ABL2: variants seen among roughly 807,000 people sequenced by gnomAD.
ABL2 encodes the protein tyrosine-protein kinase ABL2.
Under a neutral mutation model 107.7 loss-of-function variants are expected in ABL2, and 49 were observed. That is an observed-to-expected ratio of 0.45 (90% CI 0.36 to 0.58). The LOEUF (loss-of-function observed/expected upper bound fraction) is 0.58, where lower values mean the gene tolerates loss of function less well. ABL2 is among the 20% of genes least tolerant of loss of function. The pLI is 0.00. For missense variants in ABL2, 1,245 were observed against 1,457.0 expected (o/e 0.85, Z 2.37); for synonymous variants, 549 against 548.6 (o/e 1.00, Z -0.01).
rs146191539 is a variant in ABL2, at chr1:179,117,192, C to T, written c.1408+140G>A. 3.1e-4 allele frequency: 275 copies of T among 899,386 alleles called. 1 individual carries two copies. The highest frequency in any genetic ancestry group is 2.5e-3 in the Middle Eastern group (11 of 4,364). 55.7% of individuals were successfully genotyped at this position (899,386 alleles called of 1,614,324 possible). A position where few individuals can be genotyped will look rare whatever the true frequency, so the allele number is the denominator to read the frequency against. On this transcript the variant is annotated intron_variant, in intron 8 of 11. Transcript: ENST00000502732. ...GTCCTGGCAGATAGGAGGTATTTAACAAATGCTTGCTGAATAACTGAAGAA... is the reference window on the plus strand; with the variant it reads ...GTCCTGGCAGATAGGAGGTATTTAATAAATGCTTGCTGAATAACTGAAGAA...
chr1:179,102,039 A>T lies in ABL2; in HGVS notation c.*5679T>A, dbSNP rs1653144841. 2.2e-5 allele frequency: 2 copies of T among 91,558 alleles called. No individual in the cohort carries two copies. Among genetic ancestry groups the T allele is most frequent in the African/African-American group, 4.5e-5 (1 of 22,200 alleles). The allele number at this position is 91,558 out of a possible 1,614,324, so 5.7% of individuals were successfully genotyped here. A position where few individuals can be genotyped will look rare whatever the true frequency, so the allele number is the denominator to read the frequency against. ...TTTTTTTTTTTTTTTTTTGAGACGGAGTCTCACTGTCACCCAGGCTGGAGT... is the reference window on the plus strand; with the variant it reads ...TTTTTTTTTTTTTTTTTTGAGACGGTGTCTCACTGTCACCCAGGCTGGAGT... On this transcript the variant is annotated 3_prime_UTR_variant, in exon 12 of 12. Transcript: ENST00000502732.
In ABL2 at chr1:179,174,914, TA is replaced by T. The variant is rs200287014; in HGVS notation, c.158-41541del. Among the ~76,000 whole-genome samples the T allele has an allele frequency of 3.4e-3, 382 of 110,850 alleles. 3 individuals are homozygous for T. Among genetic ancestry groups the T allele is most frequent in the African/African-American group, 0.012 (362 of 31,000 alleles). The allele number at this position is 110,850 out of a possible 152,430, so 72.7% of individuals were successfully genotyped here. On this transcript the variant is annotated intron_variant, in intron 1 of 11. Coordinates refer to ENST00000502732, the MANE Select transcript of ABL2 (RefSeq NM_007314.4). ...CTGTCTCAAAAAAAAAAAAATAAAATAAAAAAAATAATAATAATAATAATAA... is the reference window on the plus strand; with the variant it reads ...CTGTCTCAAAAAAAAAAAAATAAAATAAAAAAATAATAATAATAATAATAA...
In ABL2 at chr1:179,116,997, G is replaced by A. The variant is rs1473883856; in HGVS notation, c.1408+335C>T. On this transcript the variant is annotated intron_variant, in intron 8 of 11. Transcript: ENST00000502732. ...TGGGATTACTGGCGCATGCCACCACGCCTGGCTAATTTTTGTAGTTAGTAG... is the reference window on the plus strand; with the variant it reads ...TGGGATTACTGGCGCATGCCACCACACCTGGCTAATTTTTGTAGTTAGTAG... 3.7e-5 allele frequency: 12 copies of A among 325,718 alleles called. No individual in the cohort carries two copies. The East Asian group carries it at 3.7e-4, about 10-fold the overall frequency. The allele number at this position is 325,718 out of a possible 1,614,324, so 20.2% of individuals were successfully genotyped here. A position where few individuals can be genotyped will look rare whatever the true frequency, so the allele number is the denominator to read the frequency against.
rs944627840 is a variant in ABL2, at chr1:179,221,120, C to T, written c.157+8121G>A. On this transcript the variant is annotated intron_variant, in intron 1 of 11. Coordinates refer to ENST00000502732, the MANE Select transcript of ABL2 (RefSeq NM_007314.4). ...CCTCAGATGTGAAAGCCAGACAGGC[C>T]ATTAGAGTTACTTGGGGTGAAAAAA... 5.7e-5 allele frequency: 14 copies of T among 243,654 alleles called. 1 individual carries two copies. In the South Asian group the frequency reaches 8.6e-4, roughly 15 times the overall value. The allele number at this position is 243,654 out of a possible 1,614,324, so 15.1% of individuals were successfully genotyped here.
intron 1 of ABL2, among the ~76,000 whole-genome samples, chr1:179,228,050 CAAAAAAAAAAAAA>C (rs34070201): frequency 7.9e-5 from 5 of 63,376 alleles, no homozygotes; most frequent in South Asian, 5.9e-4. Flanking sequence ...ACTCCGTCTC[CAAAAAAAAAAAAA>C]AAAAAAAAAG....
At chr1:179,197,839 A>G (rs1661411002) in intron 1 of ABL2, among the ~76,000 whole-genome samples, 1 of 150,440 alleles carries the variant, frequency 6.6e-6, no homozygotes, top group Non-Finnish European at 1.5e-5. Context: ...ACTGCATTCC[A>G]GCCTGGGTGA....
intron 2 of ABL2, 132 bp from the exon 3 acceptor site, chr1:179,131,613 T>C (rs1160069161): frequency 1.7e-5 from 14 of 840,672 alleles, no homozygotes; most frequent in Non-Finnish European, 2.5e-5. Context: ...TAAAGTGTTA[T>C]GAAGAATTAG....
chr1:179,217,680 C>T (rs911672649), intron 1 of ABL2, among the ~76,000 whole-genome samples: 6 of 151,024 alleles, frequency 4.0e-5, no homozygotes, highest in African/African-American at 1.5e-4. Flanking sequence ...AAGATTAAGA[C>T]AGGAGTTCAA....
At chr1:179,202,861 G>A (rs187531791) in intron 1 of ABL2, among the ~76,000 whole-genome samples, 1 of 152,140 alleles carries the variant, frequency 6.6e-6, no homozygotes, top group Non-Finnish European at 1.5e-5. Context: ...TCTAAAAAGA[G>A]GTAAAAACAA....
intron 9 of ABL2, 106 bp downstream of exon 9, chr1:179,114,772 C>T: frequency 8.5e-7 from 1 of 1,176,670 alleles, no homozygotes; most frequent in Non-Finnish European, 1.2e-6. Flanking sequence ...TGTCATGAGG[C>T]TGGATTCAAT....
intron 1 of ABL2, 33 bp downstream of exon 1, chr1:179,229,208 C>CCCCCCCCCCCCCCCAG: frequency 6.7e-7 from 1 of 1,488,058 alleles, no homozygotes; most frequent in Non-Finnish European, 9.0e-7. Context: ...CGGCCTCCCC[C>CCCCCCCCCCCCCCCAG]ACGCTCTCAT....
At chr1:179,135,866 C>T (rs1437148659) in intron 1 of ABL2, among the ~76,000 whole-genome samples, 2 of 147,486 alleles carry the variant, frequency 1.4e-5, no homozygotes, top group African/African-American at 2.5e-5. Flanking sequence ...CCGCCCCGTC[C>T]AGGAGGTGAG....
rs1447353436 is a variant in ABL2 at position 179,107,009 on chromosome 1, C to A, written c.*709G>T. Reference sequence around the variant, plus strand: ...GTCCATTATGAAATAATATACCAGACTGGGAGAAGTGACTTCTGCTAATCT... The same window carrying A: ...GTCCATTATGAAATAATATACCAGAATGGGAGAAGTGACTTCTGCTAATCT... On this transcript the variant is annotated 3_prime_UTR_variant, in exon 12 of 12. Transcript: ENST00000502732. 4.4e-6 allele frequency: 1 copy of A among 229,766 alleles called. No individual in the cohort carries two copies. Among genetic ancestry groups the A allele is most frequent in the Non-Finnish European group, 8.6e-6 (1 of 115,972 alleles). The allele number at this position is 229,766 out of a possible 1,614,324, so 14.2% of individuals were successfully genotyped here.
rs1652934696 is a variant in ABL2 at position 179,099,620 on chromosome 1, T to C, written c.*8098A>G. 4.3e-6 allele frequency: 1 copy of C among 231,264 alleles called. No homozygotes were observed. The highest frequency in any genetic ancestry group is 5.6e-5 in the Admixed American group (1 of 17,724). 14.3% of individuals were successfully genotyped at this position (231,264 alleles called of 1,614,324 possible). A position where few individuals can be genotyped will look rare whatever the true frequency, so the allele number is the denominator to read the frequency against. On this transcript the variant is annotated 3_prime_UTR_variant, in exon 12 of 12. Coordinates refer to ENST00000502732, the MANE Select transcript of ABL2 (RefSeq NM_007314.4). ...TTGTCTCACTATGTCCCCTTAGCAA[T>C]GCACACAGTGCCCGATGCTCCAAAC...
At chr1:179,131,696 GAA>G (rs1656348499) in intron 2 of ABL2, among the ~76,000 whole-genome samples, 1 of 152,154 alleles carries the variant, frequency 6.6e-6, no homozygotes, top group Non-Finnish European at 1.5e-5. Context: ...GGTAGTCAGA[GAA>G]AAGACCACAA....
At chr1:179,128,182 A>AG (rs1655925914) in intron 3 of ABL2, among the ~76,000 whole-genome samples, 1 of 152,174 alleles carries the variant, frequency 6.6e-6, no homozygotes, top group Admixed American at 6.5e-5. Flanking sequence ...ATCTCACCTT[A>AG]GACACATGGA....
intron 1 of ABL2, among the ~76,000 whole-genome samples, chr1:179,185,371 A>G (rs929866042): frequency 6.6e-6 from 1 of 152,178 alleles, no homozygotes; most frequent in African/African-American, 2.4e-5. Flanking sequence ...CTGCCACTCA[A>G]TGGGAGAATC....
intron 1 of ABL2, chr1:179,196,491 T>C (rs1661315525): frequency 6.6e-6 from 1 of 152,202 alleles, no homozygotes; most frequent in South Asian, 2.1e-4. Flanking sequence ...TGATTCCTTC[T>C]CCAAGGGGGA....
rs1237550503 is a variant in ABL2 at position 179,109,064 on chromosome 1, C to T, written c.2203G>A (p.Gly735Ser). Residue 735 changes from glycine (G) to serine (S), a missense_variant, in exon 12 of 12, where the codon GGT becomes AGT. This residue lies in a region of ABL2 where 761 missense variants were observed against 766.4 expected (regional missense o/e 0.99). Transcript: ENST00000502732. ...RNLCNDDGGG[G>S]GGSGTAGGGW... ...CCCCCAGCAGTGCCACTGCCCCCAC[C>T]CCCACCACCGTCGTCATTACAGAGG... 1 of 1,605,024 alleles carries T rather than the reference C, an allele frequency of 6.2e-7. No individual in the cohort carries two copies. Among genetic ancestry groups the T allele is most frequent in the South Asian group, 1.1e-5 (1 of 90,264 alleles).
Sources: gnomAD v4.1 joint callset for allele counts (sites outside exome capture counted in the v4.1 genomes callset) on GRCh38, gnomAD v4.1.1 for gene constraint, gnomAD v4.1.1 regional missense constraint, MANE v1.5 for transcripts, NCBI Gene and HGNC (gene_info 2026-07-23, HGNC 2026-07-21) for gene names.